The following ZNF114 variants were observed in gnomAD, a reference collection of about 807,000 sequenced individuals.
The protein encoded by ZNF114 is zinc finger protein 114 (Y18).
A neutral mutation model predicts 6.8 loss-of-function variants in ZNF114; 8 were observed. The ratio of observed to expected loss-of-function variants is 1.18; its 90% CI spans 0.69 to 2.13. The LOEUF is 2.13. ZNF114 is among the 30% of genes most tolerant of loss of function. The pLI is 0.00. For missense variants in ZNF114, 472 were observed against 519.5 expected (o/e 0.91, Z 0.89); for synonymous variants, 169 against 185.5 (o/e 0.91, Z 0.72).
rs397859226 is a variant in ZNF114, at chr19:48,280,547, ATTTT to A, written c.9+758_9+761del. On this transcript the variant is annotated intron_variant, in intron 4 of 5. Transcript: ENST00000595607. ...TGGACTGAGACGTGCCCCACTCCAAATTTTTTTTTTTTTTTTTTTTTTGAGACGG... is the reference window on the plus strand; with the variant it reads ...TGGACTGAGACGTGCCCCACTCCAAATTTTTTTTTTTTTTTTTTGAGACGG... Among the ~76,000 whole-genome samples, 793 of 123,004 alleles carry A rather than the reference ATTTT, an allele frequency of 6.4e-3. 5 individuals are homozygous for A. Among genetic ancestry groups the A allele is most frequent in the African/African-American group, 0.021 (687 of 32,998 alleles). 80.7% of individuals were successfully genotyped at this position (123,004 alleles called of 152,430 possible).
intron 3 of ZNF114, among the ~76,000 whole-genome samples, chr19:48,277,794 G>GGGTGTGTGTGT (rs1330052475): frequency 2.0e-4 from 24 of 119,410 alleles, no homozygotes; most frequent in African/African-American, 7.8e-4. Context: ...GGAGGCATTG[G>GGGTGTGTGTGT]GTGTGTGTGT....
intron 3 of ZNF114, among the ~76,000 whole-genome samples, chr19:48,274,502 ATATATTTTTTTTT>A (rs1194227982): frequency 0.04 from 710 of 17,796 alleles, 5 homozygotes; most frequent in South Asian, 0.12. Flanking sequence ...ATATATATAT[ATATATTTTTTTTT>A]TTTTTTTTGA....
intron 3 of ZNF114, among the ~76,000 whole-genome samples, chr19:48,278,959 A>G (rs1196339637): frequency 2.0e-5 from 3 of 151,786 alleles, no homozygotes; most frequent in Non-Finnish European, 4.4e-5. Flanking sequence ...AAAAATTGCA[A>G]TTAGATTAGC....
At chr19:48,272,700 T>TAAAAAAAAAAAAA (rs1555875993) in intron 3 of ZNF114, among the ~76,000 whole-genome samples, 5 of 79,370 alleles carry the variant, frequency 6.3e-5, no homozygotes, top group South Asian at 3.6e-4. Context: ...AAAAAAAAAG[T>TAAAAAAAAAAAAA]ATTGGATTGG....
Position 48,286,336 on chromosome 19 carries a change from G to C in ZNF114, c.712G>C (p.Ala238Pro), listed in dbSNP as rs568821916. 4.3e-6 allele frequency: 7 copies of C among 1,614,196 alleles called. No homozygotes were observed. The South Asian group carries it at 7.7e-5, about 18-fold the overall frequency. The change falls in exon 6 of 6, where the codon GCA becomes CCA. Residue 238 changes from alanine to proline, a missense_variant. Ala to Pro is a conservative substitution (Grantham distance 27, BLOSUM62 -1). Transcript: ENST00000595607. ...KAFREDGSLR[A>P]HNTHGREKMY... ...TTTCCGTGAAGACGGATCCCTTAGGGCACACAACACTCATGGTCGAGAGAA... is the reference window on the plus strand; with the variant it reads ...TTTCCGTGAAGACGGATCCCTTAGGCCACACAACACTCATGGTCGAGAGAA...
intron 3 of ZNF114, among the ~76,000 whole-genome samples, chr19:48,275,210 GAGAA>G (rs1331892159): frequency 2.3e-5 from 3 of 130,250 alleles, no homozygotes; most frequent in East Asian, 2.6e-4. Flanking sequence ...GAGAGGAAGA[GAGAA>G]AGAGAGAGGG....
rs1028726344 is a variant in ZNF114, at chr19:48,283,044, C to T, written c.136+547C>T. On this transcript the variant is annotated intron_variant, in intron 5 of 5. Coordinates refer to ENST00000595607, the MANE Select transcript of ZNF114 (RefSeq NM_153608.4). ...ATTTTTCTTTTCATTAAGATGGGGTCTCACCCTGTCACCCAGGCTGGAGTG... is the reference window on the plus strand; with the variant it reads ...ATTTTTCTTTTCATTAAGATGGGGTTTCACCCTGTCACCCAGGCTGGAGTG... 4.5e-4 allele frequency among the ~76,000 whole-genome samples: 68 copies of T among 151,952 alleles called. 1 individual carries two copies. The highest frequency in any genetic ancestry group is 1.2e-4 in the Non-Finnish European group (8 of 67,982).
intron 3 of ZNF114, among the ~76,000 whole-genome samples, chr19:48,274,194 A>C: frequency 6.6e-6 from 1 of 151,678 alleles, no homozygotes; most frequent in East Asian, 1.9e-4. Flanking sequence ...TGATTAATTT[A>C]ATTTTTAAAT....
chr19:48,281,278 T>G (rs923336189), intron 4 of ZNF114, among the ~76,000 whole-genome samples: 1 of 152,152 alleles, frequency 6.6e-6, no homozygotes, highest in Non-Finnish European at 1.5e-5. Flanking sequence ...ACATTGATTT[T>G]CTCACAGTTC....
intron 3 of ZNF114, among the ~76,000 whole-genome samples, chr19:48,274,496 ATATATATATATTTTT>A (rs141945835): frequency 0.36 from 32,461 of 90,060 alleles, 3,947 homozygotes; most frequent in East Asian, 0.5. Flanking sequence ...ATATATATAT[ATATATATATATTTTT>A]TTTTTTTTTT....
Position 48,286,515 on chromosome 19 carries a change from T to A in ZNF114, c.891T>A (p.His297Gln), listed in dbSNP as rs1420780513. ...CAAATTCCGGTTCACACAAGAGTCATTGCACTGGAGAGAAAACCCATAAAT... is the reference window on the plus strand; with the variant it reads ...CAAATTCCGGTTCACACAAGAGTCAATGCACTGGAGAGAAAACCCATAAAT... ...NAPNSGSHKS[H>Q]CTGEKTHKCP... Residue 297 changes from histidine (H) to glutamine (Q), a missense_variant, in exon 6 of 6, where the codon CAT becomes CAA. Transcript: ENST00000595607. The A allele has an allele frequency of 6.2e-7, 1 of 1,614,110 alleles. No individual in the cohort carries two copies. Among genetic ancestry groups the A allele is most frequent in the African/African-American group, 1.3e-5 (1 of 74,936 alleles).
chr19:48,277,637 C>T (rs1375972082), intron 3 of ZNF114, among the ~76,000 whole-genome samples: 5 of 152,216 alleles, frequency 3.3e-5, no homozygotes, highest in African/African-American at 4.8e-5. Flanking sequence ...ATCCTCCTAA[C>T]GCGGTCTAGG....
Position 48,286,181 on chromosome 19 carries a change from G to A in ZNF114, c.557G>A (p.Trp186Ter). The stretch of plus-strand genomic sequence containing the variant: ...GGAGTCTTGGGGTGGAACATTCAGT[G>A]GGTTCCGTGTGGGAGAAAAACAGAG... ...DDGVLGWNIQWVPCGRKTELK... is the reference protein window; with the variant it reads ...DDGVLGWNIQ The change falls in exon 6 of 6, where the codon TGG (tryptophan) becomes TAG (stop). Residue 186 changes from tryptophan to a stop codon, truncating the protein, a stop_gained. Transcript: ENST00000595607. LOFTEE classifies it low-confidence loss of function (END_TRUNC). The A allele has an allele frequency of 4.3e-6, 7 of 1,614,176 alleles. No individual in the cohort carries two copies. Among genetic ancestry groups the A allele is most frequent in the Non-Finnish European group, 5.9e-6 (7 of 1,180,038 alleles).
intron 3 of ZNF114, among the ~76,000 whole-genome samples, chr19:48,275,967 G>T (rs1967818011): frequency 6.9e-6 from 1 of 145,868 alleles, no homozygotes; most frequent in Non-Finnish European, 1.5e-5. Context: ...GGGTGACAGA[G>T]TGAGACTCCA....
In ZNF114 at chr19:48,275,705, CTGTT is replaced by C. The variant is rs1053391933; in HGVS notation, c.-70+3882_-70+3885del. On this transcript the variant is annotated intron_variant, in intron 3 of 5. Transcript: ENST00000595607. ...CATCACATCAGTGTAACTATAATGG[CTGTT>C]TGTTGCCGGGCGCGGTGGCTCACTC... 7.2e-5 allele frequency among the ~76,000 whole-genome samples: 11 copies of C among 151,990 alleles called. No individual in the cohort carries two copies. The East Asian group carries it at 1.4e-3, about 19-fold the overall frequency.
chr19:48,272,326 C>A lies in ZNF114; in HGVS notation c.-70+498C>A, dbSNP rs550900092. On this transcript the variant is annotated intron_variant, in intron 3 of 5. Transcript: ENST00000595607. The stretch of plus-strand genomic sequence containing the variant: ...ACTCAGGAGGCTGAGGCAGTAGAAT[C>A]GCTTGAACCCGGGAGGTGGAGGTTG... Among the ~76,000 whole-genome samples, 23 of 151,746 alleles carry A rather than the reference C, an allele frequency of 1.5e-4. 1 individual carries two copies. The South Asian group carries it at 4.8e-3, about 32-fold the overall frequency.
chr19:48,273,016 C>T (rs571075595), intron 3 of ZNF114, among the ~76,000 whole-genome samples: 3 of 152,022 alleles, frequency 2.0e-5, no homozygotes, highest in African/African-American at 7.2e-5. Flanking sequence ...AGGATGGTCT[C>T]GAGCTCCTGA....
chr19:48,273,490 C>T (rs1247205650), intron 3 of ZNF114, among the ~76,000 whole-genome samples: 1 of 150,108 alleles, frequency 6.7e-6, no homozygotes, highest in African/African-American at 2.5e-5. Flanking sequence ...GGGTCAGAAC[C>T]GGCGCTCCAA....
chr19:48,285,592 AAAGAAAGG>A (rs1169862205), intron 5 of ZNF114, among the ~76,000 whole-genome samples, 161 bp from the exon 6 acceptor site: 5 of 149,740 alleles, frequency 3.3e-5, no homozygotes, highest in Non-Finnish European at 5.9e-5. Flanking sequence ...AAGAGAAAAG[AAAGAAAGG>A]AAGGAAGGAA....
Sources: gnomAD v4.1 joint callset for allele counts (sites outside exome capture counted in the v4.1 genomes callset) on GRCh38, gnomAD v4.1.1 for gene constraint, MANE v1.5 for transcripts, NCBI Gene and HGNC (gene_info 2026-07-23, HGNC 2026-07-21) for gene names.